PHACTR2: variants seen among roughly 807,000 people sequenced by gnomAD.
PHACTR2 encodes chromosome 6 open reading frame 56.
PHACTR2 carries 30 observed loss-of-function variants against 76.0 expected under a neutral mutation model. That is an observed-to-expected ratio of 0.39 (90% CI 0.30 to 0.54). The LOEUF (loss-of-function observed/expected upper bound fraction) is 0.54, where lower values mean the gene tolerates loss of function less well. Ranked by LOEUF, PHACTR2 falls within the 20% of genes least tolerant of loss-of-function variation. PHACTR2 has a pLI of 0.61. For synonymous variants in PHACTR2, 292 were observed against 292.5 expected, an observed-to-expected ratio of 1.00 and a Z score of 0.02; for missense variants, 696 against 781.1, an observed-to-expected ratio of 0.89 and a Z score of 1.30.
intron 1 of PHACTR2, among the ~76,000 whole-genome samples, chr6:143,681,926 C>T (rs1777397002): frequency 6.6e-6 from 1 of 152,210 alleles, no homozygotes; most frequent in African/African-American, 2.4e-5. Flanking sequence ...AATTCTGCTC[C>T]ATTGTCTCTT....
chr6:143,612,758 A>T (rs1775998254), intron 1 of PHACTR2, among the ~76,000 whole-genome samples: 1 of 152,160 alleles, frequency 6.6e-6, no homozygotes, highest in Non-Finnish European at 1.5e-5. Flanking sequence ...AAAACTTGAT[A>T]AAAAATTAGA....
At chr6:143,778,269 G>C (rs776625941) in intron 9 of PHACTR2, among the ~76,000 whole-genome samples, 5 of 152,132 alleles carry the variant, frequency 3.3e-5, no homozygotes, top group Admixed American at 2.6e-4. Context: ...CAGGCTTTTC[G>C]AGTTATCTTG....
At chr6:143,677,946 G>T (rs1052429920), upstream of PHACTR2, 1 of 1,236,532 alleles carries the variant, frequency 8.1e-7, no homozygotes, top group Non-Finnish European at 1.0e-6. Context: ...CAGCTAATCT[G>T]CATAGAGGAA....
intron 1 of PHACTR2, among the ~76,000 whole-genome samples, chr6:143,661,497 TAAA>T (rs946431657): frequency 6.6e-6 from 1 of 150,766 alleles, no homozygotes; most frequent in African/African-American, 2.4e-5. Flanking sequence ...GCAAATAAAA[TAAA>T]AAAGCTTTTA....
chr6:143,810,706 C>T (rs1318157467), intron 12 of PHACTR2: 4 of 295,624 alleles, frequency 1.4e-5, no homozygotes, highest in Non-Finnish European at 2.7e-5. Flanking sequence ...GTGGCACTTG[C>T]ATGTAGTCTC....
rs1241440242 is a variant in PHACTR2 at position 143,671,689 on chromosome 6, A to G, written c.14-40327A>G. Among the ~76,000 whole-genome samples, 1 of 152,210 alleles carries G rather than the reference A, an allele frequency of 6.6e-6. No homozygotes were observed. Among genetic ancestry groups the G allele is most frequent in the African/African-American group, 2.4e-5 (1 of 41,456 alleles). ...CCTAGAACAAAGACTGGTAAAAAGG[A>G]GATGCATAATAAATATTTGTTGAGT... On this transcript the variant is annotated intron_variant, in intron 1 of 11. Transcript: ENST00000305766. The surrounding 1 kb of genome is among the most constrained non-coding windows in gnomAD (Gnocchi z 4.6).
At position 143,549,507 on chromosome 6, in the gene PHACTR2, G is replaced by A. The variant is rs554659386; in HGVS notation, c.217+12300G>A. Among the ~76,000 whole-genome samples, 10 of 152,074 alleles carry A rather than the reference G, an allele frequency of 6.6e-5. No homozygotes were observed. Among genetic ancestry groups the A allele is most frequent in the Middle Eastern group, 3.4e-3 (1 of 294 alleles). ...GCAGCTGACACATTCTCAGAAGGCC[G>A]GCCACAGGCAATGGCAAGATGAGAA... On this transcript the variant is annotated intron_variant, in intron 1 of 11. Transcript: ENST00000367584. This position sits in a 1 kb window ranked among gnomAD's most constrained non-coding sequence, Gnocchi z 4.2.
rs1056676276 is a variant in PHACTR2, at chr6:143,554,056, C to T, written c.217+16849C>T. On this transcript the variant is annotated intron_variant, in intron 1 of 11. Transcript: ENST00000367584. This position sits in a 1 kb window ranked among gnomAD's most constrained non-coding sequence, Gnocchi z 5.9. ...CTGAGTGAGACTGGGGATCCAGTGGCGGGGGCGCTGGGCAGAGGGGCATCA... is the reference window on the plus strand; with the variant it reads ...CTGAGTGAGACTGGGGATCCAGTGGTGGGGGCGCTGGGCAGAGGGGCATCA... 2.0e-5 allele frequency among the ~76,000 whole-genome samples: 3 copies of T among 152,008 alleles called. No individual in the cohort carries two copies. Among genetic ancestry groups the T allele is most frequent in the Non-Finnish European group, 2.9e-5 (2 of 67,990 alleles).
rs138921769 is a variant in PHACTR2, at chr6:143,746,330, G to A, written c.215-2655G>A. 2.7e-3 allele frequency among the ~76,000 whole-genome samples: 413 copies of A among 152,294 alleles called. 5 individuals are homozygous for A. In the South Asian group the frequency reaches 0.038, roughly 14 times the overall value. ...CCAGGACTCCTGGCAGCCATTTTGTGTTTTGGGCAATTTTAAAGAAGCAGC... is the reference window on the plus strand; with the variant it reads ...CCAGGACTCCTGGCAGCCATTTTGTATTTTGGGCAATTTTAAAGAAGCAGC... On this transcript the variant is annotated intron_variant, in intron 2 of 12. Transcript: ENST00000440869.
intron 2 of PHACTR2, among the ~76,000 whole-genome samples, chr6:143,736,997 G>T (rs556613318): frequency 2.4e-4 from 36 of 152,088 alleles, no homozygotes; most frequent in African/African-American, 8.4e-4. Context: ...CCAATAACTT[G>T]CAGGGTCTGG....
chr6:143,649,948 C>T (rs1299913540), intron 1 of PHACTR2, among the ~76,000 whole-genome samples: 1 of 152,188 alleles, frequency 6.6e-6, no homozygotes, highest in Non-Finnish European at 1.5e-5. Flanking sequence ...ACTCCATTGT[C>T]TCAGCCCAAA....
intron 1 of PHACTR2, among the ~76,000 whole-genome samples, chr6:143,555,496 T>C (rs1401196611): frequency 6.6e-6 from 1 of 152,190 alleles, no homozygotes; most frequent in Non-Finnish European, 1.5e-5. Context: ...AGTATAACCA[T>C]CTGTTGAAAA....
chr6:143,795,229 C>A lies in PHACTR2; in HGVS notation c.1845+6319C>A, dbSNP rs774856728. Among the ~76,000 whole-genome samples the A allele has an allele frequency of 6.6e-6, 1 of 152,114 alleles. No individual in the cohort carries two copies. The highest frequency in any genetic ancestry group is 1.5e-5 in the Non-Finnish European group (1 of 68,032). On this transcript the variant is annotated intron_variant, in intron 11 of 12. Coordinates refer to ENST00000440869, the MANE Select transcript of PHACTR2 (RefSeq NM_001100164.2). This position sits in a 1 kb window ranked among gnomAD's most constrained non-coding sequence, Gnocchi z 4.8. ...AGGAGTTAAAGACCAGCCTGAGCAA[C>A]ATAGCAAGACCCTCTCTCTACAAAA... is the stretch of plus-strand genomic sequence containing the variant.
chr6:143,573,418 A>C (rs1467728970), intron 1 of PHACTR2, among the ~76,000 whole-genome samples: 1 of 152,134 alleles, frequency 6.6e-6, no homozygotes, highest in African/African-American at 2.4e-5. Flanking sequence ...CCTGGATGCT[A>C]CATTATTATG....
intron 6 of PHACTR2, among the ~76,000 whole-genome samples, chr6:143,771,194 G>A (rs374861199): frequency 0.053 from 2,124 of 40,238 alleles, 201 homozygotes; most frequent in African/African-American, 0.2. Context: ...ATATATGTGT[G>A]TATATATATA....
rs924623593 is a variant in PHACTR2, at chr6:143,633,725, G to A, written c.13+25403G>A. Reference sequence around the variant, plus strand: ...TCTAAAAAGTCATTGCCATACTGAAGGTCACCTAGATTTTCTCCTACGTTA... The same window carrying A: ...TCTAAAAAGTCATTGCCATACTGAAAGTCACCTAGATTTTCTCCTACGTTA... On this transcript the variant is annotated intron_variant, in intron 1 of 11. Coordinates refer to the PHACTR2 transcript ENST00000305766. The surrounding 1 kb of genome is among the most constrained non-coding windows in gnomAD (Gnocchi z 4.1). Among the ~76,000 whole-genome samples, 5 of 152,106 alleles carry A rather than the reference G, an allele frequency of 3.3e-5. No homozygotes were observed. Among genetic ancestry groups the A allele is most frequent in the Non-Finnish European group, 7.3e-5 (5 of 68,038 alleles).
Position 143,621,211 on chromosome 6 carries a change from A to C in PHACTR2, c.13+12889A>C, listed in dbSNP as rs79852091. On this transcript the variant is annotated intron_variant, in intron 1 of 11. Transcript: ENST00000305766. This position sits in a 1 kb window ranked among gnomAD's most constrained non-coding sequence, Gnocchi z 4.1. ...GTGGACAGATTATAGGGAGAGACCAAGGTAGACACCTGGCTTATGAAACGG... is the reference window on the plus strand; with the variant it reads ...GTGGACAGATTATAGGGAGAGACCACGGTAGACACCTGGCTTATGAAACGG... 2.4e-4 allele frequency among the ~76,000 whole-genome samples: 36 copies of C among 152,328 alleles called. No homozygotes were observed. The highest frequency in any genetic ancestry group is 4.6e-4 in the Admixed American group (7 of 15,298).
rs1452075650 is a variant in PHACTR2 at position 143,580,879 on chromosome 6, T to TG, written c.217+43675dup. ...TGAGGGAACCAGGGTGGAGGTAAAC[T>TG]GGGAGGTGGGTGCTAAAACTTCTAG... On this transcript the variant is annotated intron_variant, in intron 1 of 11. Coordinates refer to the PHACTR2 transcript ENST00000367584. This position sits in a 1 kb window ranked among gnomAD's most constrained non-coding sequence, Gnocchi z 4.2. 6.6e-6 allele frequency among the ~76,000 whole-genome samples: 1 copy of TG among 152,046 alleles called. No individual in the cohort carries two copies. The highest frequency in any genetic ancestry group is 1.5e-5 in the Non-Finnish European group (1 of 67,966).
chr6:143,823,848 C>G lies in PHACTR2; in HGVS notation c.*159C>G. 3.2e-6 allele frequency: 2 copies of G among 631,334 alleles called. No homozygotes were observed. The highest frequency in any genetic ancestry group is 5.8e-6 in the Non-Finnish European group (2 of 345,132). The allele number at this position is 631,334 out of a possible 1,614,324, so 39.1% of individuals were successfully genotyped here. Reference sequence around the variant, plus strand: ...CAGCTTGGCTGGGAAGTGCTCCTCACCTGTGTGGCCCAGATGGCTCCAACA... The same window carrying G: ...CAGCTTGGCTGGGAAGTGCTCCTCAGCTGTGTGGCCCAGATGGCTCCAACA... On this transcript the variant is annotated 3_prime_UTR_variant, in exon 13 of 13. Transcript: ENST00000440869. The surrounding 1 kb of genome is among the most constrained non-coding windows in gnomAD (Gnocchi z 5.7).
Sources: allele counts gnomAD v4.1 joint callset (sites outside exome capture counted in the v4.1 genomes callset), GRCh38; gene constraint gnomAD v4.1.1; non-coding constraint Gnocchi (gnomAD v3.1); transcripts MANE v1.5; gene names NCBI Gene and HGNC (gene_info 2026-07-23, HGNC 2026-07-21).